METAP2: variants seen among roughly 807,000 people sequenced by gnomAD.
METAP2 encodes the protein methionyl aminopeptidase 2.
Under a neutral mutation model 59.4 loss-of-function variants are expected in METAP2, and 25 were observed. That is an observed-to-expected ratio of 0.42 (90% CI 0.31 to 0.59). The LOEUF (loss-of-function observed/expected upper bound fraction) is 0.59, where lower values mean the gene tolerates loss of function less well. Among genes scored for constraint, METAP2 ranks in the 20% least tolerant of loss-of-function variants. The pLI, the probability that METAP2 is intolerant of heterozygous loss-of-function variation, is 0.16. For missense variants in METAP2, 366 were observed against 581.2 expected (o/e 0.63, Z 3.81); for synonymous variants, 214 against 194.1 (o/e 1.10, Z -0.85).
intron 8 of METAP2, 35 bp from the exon 9 acceptor site, chr12:95,511,860 C>A: frequency 6.8e-7 from 1 of 1,470,758 alleles, no homozygotes; most frequent in Non-Finnish European, 9.4e-7. Flanking sequence ...TCTTGAGATC[C>A]TGAATGACTT....
At chr12:95,477,611 G>T (rs955838031) in intron 2 of METAP2, among the ~76,000 whole-genome samples, 1 of 152,242 alleles carries the variant, frequency 6.6e-6, no homozygotes, top group East Asian at 1.9e-4. Context: ...GCCTCTTTTG[G>T]CGGAGGAAAA....
intron 8 of METAP2, among the ~76,000 whole-genome samples, chr12:95,504,561 A>G (rs2076343586): frequency 6.6e-6 from 1 of 152,218 alleles, no homozygotes; most frequent in Non-Finnish European, 1.5e-5. Context: ...CAGTGGTGCA[A>G]CCAGAGCTCA....
At position 95,514,159 on chromosome 12, in the gene METAP2, G is replaced by A. The variant is rs1414451921; in HGVS notation, c.*255G>A. The A allele has an allele frequency of 4.3e-6, 2 of 467,744 alleles. No homozygotes were observed. Among genetic ancestry groups the A allele is most frequent in the African/African-American group, 4.0e-5 (2 of 49,886 alleles). The allele number at this position is 467,744 out of a possible 1,614,324, so 29.0% of individuals were successfully genotyped here. A position where few individuals can be genotyped will look rare whatever the true frequency, so the allele number is the denominator to read the frequency against. ...GGAAAATGCTATAAAGCTCAAATTA[G>A]TTAGGAATGACTTATACGTTTTGTT... On this transcript the variant is annotated 3_prime_UTR_variant, in exon 11 of 11. Coordinates refer to ENST00000323666, the MANE Select transcript of METAP2 (RefSeq NM_006838.4).
intron 1 of METAP2, 35 bp from the exon 2 acceptor site, chr12:95,476,036 A>G: frequency 7.7e-7 from 1 of 1,293,114 alleles, no homozygotes; most frequent in Non-Finnish European, 1.1e-6. Flanking sequence ...AAGTGTCTGT[A>G]TTAGATTTGA....
chr12:95,489,441 A>G (rs766517276), intron 4 of METAP2, among the ~76,000 whole-genome samples: 1 of 152,210 alleles, frequency 6.6e-6, no homozygotes, highest in Non-Finnish European at 1.5e-5. Context: ...GAAATACAGA[A>G]TAAGTATAAG....
intron 4 of METAP2, among the ~76,000 whole-genome samples, chr12:95,493,402 G>T (rs1249749715): frequency 6.6e-6 from 1 of 152,182 alleles, no homozygotes; most frequent in Non-Finnish European, 1.5e-5. Flanking sequence ...GAAGAACCTA[G>T]GAGTTTGAGG....
chr12:95,486,663 A>C (rs1195744737), intron 4 of METAP2, among the ~76,000 whole-genome samples: 1 of 151,794 alleles, frequency 6.6e-6, no homozygotes, highest in East Asian at 1.9e-4. Context: ...ATGCCTGGCT[A>C]ATTTTGTATT....
At chr12:95,512,566 G>T (rs924548953) in intron 9 of METAP2, among the ~76,000 whole-genome samples, 1 of 152,042 alleles carries the variant, frequency 6.6e-6, no homozygotes, top group Non-Finnish European at 1.5e-5. Context: ...ACAAAAATTA[G>T]CCAGGCATGG....
chr12:95,490,423 C>T (rs992425754), intron 4 of METAP2, among the ~76,000 whole-genome samples: 8 of 150,740 alleles, frequency 5.3e-5, no homozygotes, highest in African/African-American at 1.2e-4. Context: ...TAATTTTTAT[C>T]GTTCGTTTAA....
intron 8 of METAP2, among the ~76,000 whole-genome samples, chr12:95,505,907 C>T (rs2076355271): frequency 6.6e-6 from 1 of 151,152 alleles, no homozygotes; most frequent in Non-Finnish European, 1.5e-5. Context: ...CCAGCCTGGC[C>T]AACATGGTAA....
intron 8 of METAP2, among the ~76,000 whole-genome samples, chr12:95,509,624 T>G (rs1303648570): frequency 6.6e-6 from 1 of 152,142 alleles, no homozygotes; most frequent in Non-Finnish European, 1.5e-5. Context: ...AACCCTCTCT[T>G]CATGGCTTTC....
intron 8 of METAP2, among the ~76,000 whole-genome samples, chr12:95,505,832 C>T (rs1028111685): frequency 2.0e-5 from 3 of 151,216 alleles, no homozygotes; most frequent in Non-Finnish European, 4.4e-5. Context: ...TGGTGGCTCA[C>T]GCCTGTAATC....
At chr12:95,492,005 G>A (rs2076240957) in intron 4 of METAP2, among the ~76,000 whole-genome samples, 1 of 151,102 alleles carries the variant, frequency 6.6e-6, no homozygotes, top group Non-Finnish European at 1.5e-5. Context: ...ATGGAGTCTT[G>A]TTATGTTGCC....
Position 95,485,996 on chromosome 12 carries a change from A to G in METAP2, c.428+15A>G, listed in dbSNP as rs2076193779. ...ACACAAGATGGGTAAGGATCATCAA[A>G]TCACTTCCAGTTTAATTTCTGACAG... On this transcript the variant is annotated intron_variant, in intron 4 of 10. Coordinates refer to ENST00000323666, the MANE Select transcript of METAP2 (RefSeq NM_006838.4). 2 of 1,497,988 alleles carry G rather than the reference A, an allele frequency of 1.3e-6. No individual in the cohort carries two copies. Among genetic ancestry groups the G allele is most frequent in the Non-Finnish European group, 1.8e-6 (2 of 1,092,078 alleles). 92.8% of individuals were successfully genotyped at this position (1,497,988 alleles called of 1,614,324 possible).
At chr12:95,490,869 A>G (rs1402752044) in intron 4 of METAP2, among the ~76,000 whole-genome samples, 1 of 152,078 alleles carries the variant, frequency 6.6e-6, no homozygotes, top group Non-Finnish European at 1.5e-5. Context: ...GTTGGGGGTT[A>G]AACTTTTTTC....
Position 95,494,227 on chromosome 12 carries a change from ATAC to A in METAP2, c.590+12_590+14del. On this transcript the variant is annotated intron_variant, in intron 5 of 10. Transcript: ENST00000323666. ...CAATGATAGAAATCTGGTAAAAGGA[ATAC>A]TTCTTCGTAAGAACATGATAAAAAA... The A allele has an allele frequency of 1.2e-6, 2 of 1,607,618 alleles. No individual in the cohort carries two copies. Among genetic ancestry groups the A allele is most frequent in the Non-Finnish European group, 1.7e-6 (2 of 1,175,922 alleles).
At chr12:95,476,028 G>C (rs748322002) in intron 1 of METAP2, 43 bp from the exon 2 acceptor site, 24 of 1,179,474 alleles carry the variant, frequency 2.0e-5, no homozygotes, top group Middle Eastern at 3.9e-4. Context: ...TAGTGGGAAA[G>C]TGTCTGTATT....
At chr12:95,495,168 G>T in intron 6 of METAP2, 30 bp downstream of exon 6, 1 of 1,557,664 alleles carries the variant, frequency 6.4e-7, no homozygotes. Context: ...TCCTACCCCA[G>T]CCTCCTCCTG....
At chr12:95,496,349 C>T (rs2140153209) in intron 7 of METAP2, among the ~76,000 whole-genome samples, 1 of 152,204 alleles carries the variant, frequency 6.6e-6, no homozygotes, top group Middle Eastern at 3.4e-3. Context: ...GAGTTTGGAT[C>T]TATTTTTGCC....
Sources: gnomAD v4.1 joint callset for allele counts (sites outside exome capture counted in the v4.1 genomes callset) on GRCh38, gnomAD v4.1.1 for gene constraint, MANE v1.5 for transcripts, NCBI Gene and HGNC (gene_info 2026-07-23, HGNC 2026-07-21) for gene names.